KCNC2: variants seen among roughly 807,000 people sequenced by gnomAD.
The protein encoded by KCNC2 is potassium voltage-gated channel subfamily C member 2.
A neutral mutation model predicts 44.5 loss-of-function variants in KCNC2; 21 were observed. That is an observed-to-expected ratio of 0.47 (90% CI 0.33 to 0.68). The LOEUF (loss-of-function observed/expected upper bound fraction) is 0.68. Among genes scored for constraint, KCNC2 ranks in the 30% least tolerant of loss-of-function variants. The pLI, the probability that KCNC2 is intolerant of heterozygous loss-of-function variation, is 0.01. For synonymous variants in KCNC2, 391 were observed against 339.1 expected, an observed-to-expected ratio of 1.15 and a Z score of -1.68; for missense variants, 589 against 826.2, an observed-to-expected ratio of 0.71 and a Z score of 3.52.
chr12:75,083,301 A>T (rs1203786395), intron 2 of KCNC2, among the ~76,000 whole-genome samples: 1 of 151,870 alleles, frequency 6.6e-6, no homozygotes, highest in Non-Finnish European at 1.5e-5. Flanking sequence ...TAATCTAATT[A>T]GTTCGTTAAT....
intron 2 of KCNC2, among the ~76,000 whole-genome samples, chr12:75,186,688 C>A (rs1334523129): frequency 6.6e-6 from 1 of 152,162 alleles, no homozygotes; most frequent in African/African-American, 2.4e-5. Context: ...AGCATTTCAG[C>A]AGACTTCCCC....
chr12:75,100,895 C>A (rs1005991514), intron 2 of KCNC2, among the ~76,000 whole-genome samples: 2 of 152,064 alleles, frequency 1.3e-5, no homozygotes, highest in Non-Finnish European at 2.9e-5. Context: ...TGAGAGATAT[C>A]TTCACATTCT....
intron 2 of KCNC2, among the ~76,000 whole-genome samples, chr12:75,094,603 G>T (rs904977450): frequency 2.6e-5 from 4 of 151,630 alleles, no homozygotes; most frequent in African/African-American, 9.7e-5. Context: ...CCAGTGAAAT[G>T]CTTGACTTGT....
Position 75,179,922 on chromosome 12 carries a change from T to G in KCNC2, c.687+27375A>C, listed in dbSNP as rs368606278. Reference sequence around the variant, plus strand: ...ACAATTCTAAAGCTACAAATTGCACTGTATCTTAATCATCTAAAAAAGCAT... The same window carrying G: ...ACAATTCTAAAGCTACAAATTGCACGGTATCTTAATCATCTAAAAAAGCAT... On this transcript the variant is annotated intron_variant, in intron 2 of 4. Transcript: ENST00000549446. 1.4e-3 allele frequency among the ~76,000 whole-genome samples: 207 copies of G among 151,910 alleles called. 10 individuals carry two copies. The South Asian group carries it at 0.041, about 30-fold the overall frequency.
At chr12:75,195,312 T>G (rs888055411) in intron 2 of KCNC2, among the ~76,000 whole-genome samples, 2 of 152,144 alleles carry the variant, frequency 1.3e-5, no homozygotes, top group African/African-American at 4.8e-5. Flanking sequence ...CCATAAAACC[T>G]ATGAAGTAGC....
At chr12:75,130,205 T>A (rs2137334948) in intron 2 of KCNC2, among the ~76,000 whole-genome samples, 1 of 152,264 alleles carries the variant, frequency 6.6e-6, no homozygotes, top group Admixed American at 6.5e-5. Flanking sequence ...TATAATTTTA[T>A]AAAGATGCAC....
intron 2 of KCNC2, among the ~76,000 whole-genome samples, chr12:75,057,954 T>G (rs78296724): frequency 2.7e-3 from 409 of 152,112 alleles, no homozygotes; most frequent in Middle Eastern, 0.014. Context: ...ATTGGAATTG[T>G]AATTGTTTGT....
chr12:75,127,087 G>T (rs1888481497), intron 2 of KCNC2, among the ~76,000 whole-genome samples: 1 of 152,120 alleles, frequency 6.6e-6, no homozygotes, highest in Admixed American at 6.6e-5. Context: ...AGTGTTTTGG[G>T]TTTGGCACTT....
rs1234528579 is a variant in KCNC2, at chr12:75,042,210, T to C, written c.*895A>G. 1.4e-6 allele frequency: 2 copies of C among 1,383,984 alleles called. No homozygotes were observed. Among genetic ancestry groups the C allele is most frequent in the Non-Finnish European group, 1.9e-6 (2 of 1,060,012 alleles). The allele number at this position is 1,383,984 out of a possible 1,614,324, so 85.7% of individuals were successfully genotyped here. ...AAATGATGACAAACCCTGGGTATTTTTTTTTTTTAAAGAGTCTAGAACCAA... is the reference window on the plus strand; with the variant it reads ...AAATGATGACAAACCCTGGGTATTTCTTTTTTTTAAAGAGTCTAGAACCAA... On this transcript the variant is annotated 3_prime_UTR_variant, in exon 5 of 5. Coordinates refer to ENST00000549446, the MANE Select transcript of KCNC2 (RefSeq NM_139137.4).
chr12:75,109,210 C>T (rs1052732871), intron 2 of KCNC2, among the ~76,000 whole-genome samples: 17 of 152,022 alleles, frequency 1.1e-4, no homozygotes, highest in Admixed American at 9.2e-4. Flanking sequence ...TATGAATACC[C>T]GATTATAATC....
chr12:75,130,505 C>G (rs1888759291), intron 2 of KCNC2, among the ~76,000 whole-genome samples: 1 of 151,914 alleles, frequency 6.6e-6, no homozygotes, highest in Admixed American at 6.6e-5. Flanking sequence ...ATGCTAGCAC[C>G]AGTAATAGGA....
chr12:75,192,414 A>G (rs1346050792), intron 2 of KCNC2, among the ~76,000 whole-genome samples: 3 of 152,236 alleles, frequency 2.0e-5, no homozygotes, highest in African/African-American at 7.2e-5. Context: ...AACTTAAAGT[A>G]CACTAATATG....
chr12:75,181,194 A>G (rs902540610), intron 2 of KCNC2, among the ~76,000 whole-genome samples: 1 of 152,188 alleles, frequency 6.6e-6, no homozygotes, highest in East Asian at 1.9e-4. Context: ...GATTCCAGGT[A>G]CAAGGTTGAG....
At chr12:75,159,268 T>C (rs1890966734) in intron 2 of KCNC2, among the ~76,000 whole-genome samples, 1 of 151,696 alleles carries the variant, frequency 6.6e-6, no homozygotes, top group African/African-American at 2.4e-5. Context: ...TAAAGTATAA[T>C]AAAAATAAAA....
chr12:75,207,856 G>A lies in KCNC2; in HGVS notation c.128C>T (p.Pro43Leu). ...RLALLASSEP[P>L]GDCLTTAGDK... is the part of the protein sequence containing the mutation. ...GCCCGCCGTGGTCAAGCAGTCGCCT[G>A]GGGGCTCGGAGGAGGCAAGAAGGGC... Residue 43 changes from proline (P) to leucine (L), a missense_variant, in exon 2 of 5, where the codon CCA becomes CTA. Pro to Leu is a moderately conservative substitution (Grantham distance 98, BLOSUM62 -3). This residue lies in a region of KCNC2 where 148 missense variants were observed against 140.1 expected (regional missense o/e 1.06). Transcript: ENST00000549446. The surrounding 1 kb of genome is among the most constrained non-coding windows in gnomAD (Gnocchi z 4.1). The A allele has an allele frequency of 1.9e-6, 3 of 1,611,608 alleles. No homozygotes were observed. Among genetic ancestry groups the A allele is most frequent in the Non-Finnish European group, 2.5e-6 (3 of 1,179,630 alleles).
intron 2 of KCNC2, among the ~76,000 whole-genome samples, chr12:75,086,675 A>ATATATATATATATATATATAT (rs1482026052): frequency 1.3e-5 from 1 of 76,720 alleles, no homozygotes; most frequent in African/African-American, 8.6e-5. Flanking sequence ...AAAAAAAAAA[A>ATATATATATATATATATATAT]AAAAAAATAT....
At chr12:75,143,970 G>T (rs1889838363) in intron 2 of KCNC2, among the ~76,000 whole-genome samples, 1 of 151,944 alleles carries the variant, frequency 6.6e-6, no homozygotes, top group Admixed American at 6.6e-5. Flanking sequence ...ATGCACAAAA[G>T]GTAAAGATCA....
At chr12:75,145,336 G>A (rs1889943978) in intron 2 of KCNC2, among the ~76,000 whole-genome samples, 1 of 151,482 alleles carries the variant, frequency 6.6e-6, no homozygotes. Context: ...AAAATGCCTG[G>A]GCCAAATGAT....
Position 75,042,544 on chromosome 12 carries a change from G to T in KCNC2, c.*561C>A. The T allele has an allele frequency of 7.1e-7, 1 of 1,403,808 alleles. No homozygotes were observed. The highest frequency in any genetic ancestry group is 2.9e-5 in the Admixed American group (1 of 34,598). 87.0% of individuals were successfully genotyped at this position (1,403,808 alleles called of 1,614,324 possible). On this transcript the variant is annotated 3_prime_UTR_variant, in exon 5 of 5. Coordinates refer to ENST00000549446, the MANE Select transcript of KCNC2 (RefSeq NM_139137.4). The stretch of plus-strand genomic sequence containing the variant: ...GCCCCACAATTCAACATGCAGAACA[G>T]TCGACCAATGCTTTCATATCAGCAG...
Sources: gnomAD v4.1 joint callset for allele counts (sites outside exome capture counted in the v4.1 genomes callset) on GRCh38, gnomAD v4.1.1 for gene constraint, gnomAD v4.1.1 regional missense constraint, Gnocchi (gnomAD v3.1) non-coding constraint, MANE v1.5 for transcripts, NCBI Gene and HGNC (gene_info 2026-07-23, HGNC 2026-07-21) for gene names.